ANK2: variants seen among roughly 807,000 people sequenced by gnomAD.
The protein encoded by ANK2 is ankyrin 2.
A neutral mutation model predicts 360.5 loss-of-function variants in ANK2; 83 were observed. The ratio of observed to expected loss-of-function variants is 0.23; its 90% confidence interval spans 0.19 to 0.28. The LOEUF (loss-of-function observed/expected upper bound fraction) is 0.28. ANK2 is among the 10% of genes least tolerant of loss of function. The pLI, the probability that ANK2 is intolerant of heterozygous loss-of-function variation, is 1.00. For synonymous variants in ANK2, 1,740 were observed against 1,759.5 expected, an observed-to-expected ratio of 0.99 and a Z score of 0.28; for missense variants, 4,201 against 4,795.7, an observed-to-expected ratio of 0.88 and a Z score of 3.66.
At chr4:112,936,490 C>T (rs1364343416) in intron 2 of ANK2, among the ~76,000 whole-genome samples, 3 of 151,938 alleles carry the variant, frequency 2.0e-5, no homozygotes, top group Non-Finnish European at 4.4e-5. Flanking sequence ...GGATTACAGG[C>T]GCGTGCCACC....
At chr4:113,328,532 T>C (rs1201078650) in intron 26 of ANK2, among the ~76,000 whole-genome samples, 1 of 152,232 alleles carries the variant, frequency 6.6e-6, no homozygotes, top group African/African-American at 2.4e-5. Flanking sequence ...ACTGGAAGAC[T>C]AGTAATAAGA....
At chr4:113,315,910 A>C (rs1040526889) in intron 24 of ANK2, among the ~76,000 whole-genome samples, 1 of 151,720 alleles carries the variant, frequency 6.6e-6, no homozygotes, top group East Asian at 1.9e-4. Flanking sequence ...AAAAAAAAAA[A>C]AAAAAAAAAA....
chr4:112,889,357 G>A (rs930580084), intron 1 of ANK2, among the ~76,000 whole-genome samples: 117 of 152,080 alleles, frequency 7.7e-4, no homozygotes, highest in African/African-American at 2.7e-3. Context: ...TCTGCAATGG[G>A]CAGAATACTA....
the ANK2 span, among the ~76,000 whole-genome samples, chr4:112,809,417 C>T: frequency 3.3e-5 from 5 of 151,030 alleles, no homozygotes; most frequent in Admixed American, 1.3e-4. Context: ...AAAAATTAGC[C>T]GGGCATGGTG....
At chr4:113,145,857 T>C (rs1159049507) in intron 1 of ANK2, 1 of 1,289,644 alleles carries the variant, frequency 7.8e-7, no homozygotes, top group African/African-American at 1.5e-5. Flanking sequence ...CAGCAGGAAC[T>C]GTAGAGCTGA....
chr4:112,999,420 CA>C (rs2049808592), intron 2 of ANK2, among the ~76,000 whole-genome samples: 1 of 152,132 alleles, frequency 6.6e-6, no homozygotes, highest in Non-Finnish European at 1.5e-5. Flanking sequence ...GAGATTAAAT[CA>C]CTTACTGATG....
intron 1 of ANK2, among the ~76,000 whole-genome samples, chr4:112,862,326 T>G (rs1399623758): frequency 6.6e-6 from 1 of 152,242 alleles, no homozygotes; most frequent in East Asian, 1.9e-4. Flanking sequence ...ATCTAATTAT[T>G]GCCCTTTGAT....
At chr4:112,754,121 A>AG in the ANK2 span, among the ~76,000 whole-genome samples, 781 of 47,756 alleles carry the variant, frequency 0.016, 22 homozygotes, top group African/African-American at 0.056. Context: ...GTATATATAT[A>AG]TATATATATA....
At chr4:112,758,145 G>A in the ANK2 span, among the ~76,000 whole-genome samples, 1 of 151,794 alleles carries the variant, frequency 6.6e-6, no homozygotes, top group Non-Finnish European at 1.5e-5. Flanking sequence ...CAGGTGATCC[G>A]CCCGCCTCGG....
intron 1 of ANK2, among the ~76,000 whole-genome samples, chr4:112,829,972 T>A (rs13104712): frequency 0.45 from 65,228 of 145,190 alleles, 15,188 homozygotes; most frequent in East Asian, 0.86. Context: ...AAAATAAAAA[T>A]AAAAAATAAA....
intron 1 of ANK2, among the ~76,000 whole-genome samples, chr4:113,163,113 T>C (rs945172682): frequency 1.3e-5 from 2 of 152,230 alleles, no homozygotes; most frequent in Non-Finnish European, 2.9e-5. Context: ...ACATATTACA[T>C]ATTCTTTAGT....
chr4:112,957,062 A>C (rs1581880933), intron 2 of ANK2, among the ~76,000 whole-genome samples: 1 of 108,302 alleles, frequency 9.2e-6, no homozygotes, highest in African/African-American at 3.7e-5. Context: ...TTTCTCGCAG[A>C]GGGGGATTTG....
chr4:113,259,266 T>C (rs2051247404), intron 13 of ANK2, among the ~76,000 whole-genome samples: 1 of 152,206 alleles, frequency 6.6e-6, no homozygotes, highest in Admixed American at 6.5e-5. Flanking sequence ...GAAGGTCTAG[T>C]AGAGTATTGA....
At chr4:112,733,894 C>A in the ANK2 span, among the ~76,000 whole-genome samples, 1 of 152,180 alleles carries the variant, frequency 6.6e-6, no homozygotes, top group African/African-American at 2.4e-5. Flanking sequence ...CCTGCATCAG[C>A]CTCCCAAGTA....
At chr4:113,047,951 G>T (rs1029343029), upstream of ANK2, among the ~76,000 whole-genome samples, 7 of 151,974 alleles carry the variant, frequency 4.6e-5, no homozygotes, top group Non-Finnish European at 8.8e-5. Flanking sequence ...GTTCTCAACT[G>T]CTGCAGTCAT....
At chr4:113,067,499 C>T (rs1356764478) in intron 1 of ANK2, among the ~76,000 whole-genome samples, 7 of 152,082 alleles carry the variant, frequency 4.6e-5, no homozygotes, top group Non-Finnish European at 8.8e-5. Flanking sequence ...AAAAGTCCAG[C>T]AAGCATTTGA....
intron 2 of ANK2, among the ~76,000 whole-genome samples, chr4:112,966,456 AGT>A (rs201465151): frequency 2.6e-5 from 4 of 151,478 alleles, no homozygotes; most frequent in East Asian, 1.9e-4. Flanking sequence ...CAAATGAGTA[AGT>A]GTGTGTGTGT....
intron 2 of ANK2, among the ~76,000 whole-genome samples, chr4:112,991,525 T>TAC (rs1369471368): frequency 6.6e-6 from 1 of 152,034 alleles, no homozygotes; most frequent in African/African-American, 2.4e-5. Flanking sequence ...GTTCATGTGT[T>TAC]ACACACACAG....
intron 2 of ANK2, among the ~76,000 whole-genome samples, chr4:113,191,082 A>G (rs1982764): frequency 0.61 from 92,101 of 152,030 alleles, 27,994 homozygotes; most frequent in African/African-American, 0.65. Context: ...GTTCACGCCT[A>G]TAATCCCAGC....
Sources: gnomAD v4.1 joint callset for allele counts (sites outside exome capture counted in the v4.1 genomes callset) on GRCh38, gnomAD v4.1.1 for gene constraint, MANE v1.5 for transcripts, NCBI Gene and HGNC (gene_info 2026-07-23, HGNC 2026-07-21) for gene names.